Variants in ADCY8 observed in about 807,000 individuals in gnomAD.
ADCY8 encodes the protein adenylate cyclase type 8.
ADCY8 carries 51 observed loss-of-function variants against 119.7 expected under a neutral mutation model. That is an observed-to-expected ratio of 0.43 (90% CI 0.34 to 0.54). The LOEUF is 0.54. Among genes scored for constraint, ADCY8 ranks in the 20% least tolerant of loss-of-function variants. ADCY8 has a pLI of 0.03. For missense variants in ADCY8, 1,383 were observed against 1,598.8 expected, an observed-to-expected ratio of 0.87 and a Z score of 2.30; for synonymous variants, 665 against 651.0, an observed-to-expected ratio of 1.02 and a Z score of -0.33.
At chr8:131,010,087 G>T (rs919015538) in intron 1 of ADCY8, among the ~76,000 whole-genome samples, 7 of 152,198 alleles carry the variant, frequency 4.6e-5, no homozygotes, top group Non-Finnish European at 8.8e-5. Context: ...CACCTAACTT[G>T]CCCAAGAATT....
chr8:130,893,225 A>G (rs1819249814), intron 7 of ADCY8, among the ~76,000 whole-genome samples: 1 of 152,202 alleles, frequency 6.6e-6, no homozygotes, highest in Non-Finnish European at 1.5e-5. Context: ...CTTTTTAAGT[A>G]TCACATCCGT....
intron 13 of ADCY8, among the ~76,000 whole-genome samples, chr8:130,820,795 T>A (rs1458210465): frequency 1.1e-4 from 16 of 152,154 alleles, no homozygotes; most frequent in Admixed American, 9.8e-4. Flanking sequence ...TGTAACGAAG[T>A]CTTTATTATA....
intron 7 of ADCY8, among the ~76,000 whole-genome samples, chr8:130,898,806 G>T (rs1484533245): frequency 1.3e-5 from 2 of 152,088 alleles, no homozygotes; most frequent in Non-Finnish European, 2.9e-5. Flanking sequence ...AAAACCTTTG[G>T]TATCTTCTTG....
At chr8:130,816,273 A>G (rs895272605) in intron 13 of ADCY8, among the ~76,000 whole-genome samples, 19 of 152,276 alleles carry the variant, frequency 1.2e-4, no homozygotes, top group Admixed American at 9.8e-4. Flanking sequence ...TGATGCAGCT[A>G]TTAAAAAGAA....
chr8:130,904,094 G>C, intron 6 of ADCY8, 52 bp from the exon 7 acceptor site: 3 of 1,546,582 alleles, frequency 1.9e-6, no homozygotes, highest in Non-Finnish European at 2.6e-6. Flanking sequence ...GCCTGCAAAG[G>C]CTATATTTTT....
At chr8:130,871,592 C>A (rs188640648) in intron 8 of ADCY8, among the ~76,000 whole-genome samples, 90 of 152,286 alleles carry the variant, frequency 5.9e-4, no homozygotes, top group Admixed American at 2.5e-3. Context: ...TATTTTATTT[C>A]TATACTTTCT....
intron 14 of ADCY8, among the ~76,000 whole-genome samples, chr8:130,811,124 GT>G (rs1816151983): frequency 6.6e-6 from 1 of 152,166 alleles, no homozygotes; most frequent in Admixed American, 6.5e-5. Context: ...CCTGAGCCCA[GT>G]TTCAGGGAAC....
intron 2 of ADCY8, among the ~76,000 whole-genome samples, chr8:130,978,262 C>G (rs1034815837): frequency 6.6e-6 from 1 of 152,092 alleles, no homozygotes; most frequent in East Asian, 1.9e-4. Flanking sequence ...ATATTTACAT[C>G]CCTGTAATTA....
At chr8:130,798,317 A>G (rs1815651707) in intron 15 of ADCY8, among the ~76,000 whole-genome samples, 1 of 152,216 alleles carries the variant, frequency 6.6e-6, no homozygotes, top group Non-Finnish European at 1.5e-5. Context: ...GGGGTTAGAA[A>G]AAAGCCTTCA....
At chr8:131,014,230 C>A (rs1380652427) in intron 1 of ADCY8, among the ~76,000 whole-genome samples, 1 of 152,098 alleles carries the variant, frequency 6.6e-6, no homozygotes, top group Admixed American at 6.6e-5. Context: ...ATTTAGTTTA[C>A]CCTTGCTTTT....
At position 130,789,163 on chromosome 8, in the gene ADCY8, C is replaced by A. The variant is rs537011960; in HGVS notation, c.3061-3688G>T. Among the ~76,000 whole-genome samples the A allele has an allele frequency of 7.9e-5, 12 of 152,266 alleles. No homozygotes were observed. The South Asian group carries it at 2.5e-3, about 32-fold the overall frequency. On this transcript the variant is annotated intron_variant, in intron 15 of 17. Coordinates refer to ENST00000286355, the MANE Select transcript of ADCY8 (RefSeq NM_001115.3). The stretch of plus-strand genomic sequence containing the variant: ...CTTATCAAATTGTATATTTTATATG[C>A]AGGTTTTTGAATCAACTATAAGACA...
intron 1 of ADCY8, among the ~76,000 whole-genome samples, chr8:131,026,333 T>C (rs1177895324): frequency 6.6e-6 from 1 of 152,146 alleles, no homozygotes; most frequent in Non-Finnish European, 1.5e-5. Context: ...AATCTACTGG[T>C]GCTTAGATTT....
At chr8:130,796,773 T>G (rs1035408940) in intron 15 of ADCY8, among the ~76,000 whole-genome samples, 10 of 139,532 alleles carry the variant, frequency 7.2e-5, no homozygotes, top group African/African-American at 2.6e-4. Context: ...CTCCTCCCCT[T>G]TCCTCCTCTT....
At chr8:130,808,120 A>C (rs2130142033) in intron 14 of ADCY8, among the ~76,000 whole-genome samples, 1 of 151,552 alleles carries the variant, frequency 6.6e-6, no homozygotes, top group Non-Finnish European at 1.5e-5. Flanking sequence ...AGCTACTTCT[A>C]TCCTCATCAA....
chr8:130,942,398 A>G (rs1012339449), intron 4 of ADCY8, among the ~76,000 whole-genome samples: 1 of 152,168 alleles, frequency 6.6e-6, no homozygotes, highest in South Asian at 2.1e-4. Flanking sequence ...TACCTTCCTC[A>G]TAACACATGG....
chr8:130,990,342 T>C, intron 2 of ADCY8, 51 bp downstream of exon 2: 1 of 1,594,100 alleles, frequency 6.3e-7, no homozygotes, highest in Non-Finnish European at 8.5e-7. Context: ...TCCATATAAT[T>C]TAGAGACTGG....
At chr8:131,012,537 C>T (rs1823342344) in intron 1 of ADCY8, among the ~76,000 whole-genome samples, 2 of 152,218 alleles carry the variant, frequency 1.3e-5, no homozygotes, top group East Asian at 3.8e-4. Flanking sequence ...ACAAGGGGTG[C>T]ACCGTGGTGG....
rs761444355 is a variant in ADCY8 at position 130,812,189 on chromosome 8, C to T, written c.2913+1880G>A. ...GTTGCATGATCCTCCTATCCACTCT[C>T]TATCAGTAGCCAATTGACTAGGTTA... On this transcript the variant is annotated intron_variant, in intron 14 of 17. Transcript: ENST00000286355. Among the ~76,000 whole-genome samples the T allele has an allele frequency of 4.7e-4, 72 of 152,190 alleles. 3 individuals carry two copies. The highest frequency in any genetic ancestry group is 3.3e-4 in the Admixed American group (5 of 15,278).
chr8:130,882,985 G>C (rs952628140), intron 8 of ADCY8, among the ~76,000 whole-genome samples: 1 of 152,142 alleles, frequency 6.6e-6, no homozygotes, highest in African/African-American at 2.4e-5. Context: ...TGGCTAGACT[G>C]TCAATGGGCA....
Sources: allele counts gnomAD v4.1 joint callset (sites outside exome capture counted in the v4.1 genomes callset), GRCh38; gene constraint gnomAD v4.1.1; transcripts MANE v1.5; gene names NCBI Gene and HGNC (gene_info 2026-07-23, HGNC 2026-07-21).